Variants in ADGRL3 observed in about 807,000 individuals in gnomAD.
ADGRL3 encodes calcium-independent alpha-latrotoxin receptor 3.
A neutral mutation model predicts 153.5 loss-of-function variants in ADGRL3; 62 were observed. The observed-to-expected ratio is 0.40, with a 90% confidence interval of 0.33 to 0.50. The LOEUF (loss-of-function observed/expected upper bound fraction) is 0.50, where lower values mean the gene tolerates loss of function less well. Among genes scored for constraint, ADGRL3 ranks in the 20% least tolerant of loss-of-function variants. The pLI is 0.47. For missense variants in ADGRL3, 1,641 were observed against 1,859.4 expected, an observed-to-expected ratio of 0.88 and a Z score of 2.16; for synonymous variants, 710 against 672.5, an observed-to-expected ratio of 1.06 and a Z score of -0.86.
intron 9 of ADGRL3, among the ~76,000 whole-genome samples, chr4:61,874,544 T>C (rs1034585987): frequency 1.3e-5 from 2 of 151,816 alleles, no homozygotes; most frequent in African/African-American, 2.4e-5. Context: ...GGGGCCACTC[T>C]AGAGCCTGTC....
intron 5 of ADGRL3, among the ~76,000 whole-genome samples, chr4:61,654,943 A>T (rs1404172451): frequency 6.6e-6 from 1 of 152,170 alleles, no homozygotes; most frequent in Non-Finnish European, 1.5e-5. Context: ...TCTTTAACTC[A>T]TGTACGTAAG....
At chr4:61,442,020 AT>A (rs2097533539) in intron 2 of ADGRL3, among the ~76,000 whole-genome samples, 1 of 152,192 alleles carries the variant, frequency 6.6e-6, no homozygotes, top group Admixed American at 6.5e-5. Context: ...AAATTTAATT[AT>A]TTTGATTTCA....
chr4:61,715,203 A>T (rs1009963399), intron 6 of ADGRL3, among the ~76,000 whole-genome samples: 1 of 152,172 alleles, frequency 6.6e-6, no homozygotes. Context: ...CTTCTTTCTT[A>T]CATTCGACTG....
rs1178878073 is a variant in ADGRL3 at position 62,071,862 on chromosome 4, AC to A, written c.*955del. ...CAAACAAATTATTTTTTACAAAAAA[AC>A]AAAATAAATAAAATTAGACTTCCTT... On this transcript the variant is annotated 3_prime_UTR_variant, in exon 27 of 27. Transcript: ENST00000683033. 3 of 332,322 alleles carry A rather than the reference AC, an allele frequency of 9.0e-6. No homozygotes were observed. Among genetic ancestry groups the A allele is most frequent in the South Asian group, 2.5e-5 (1 of 39,432 alleles). 20.6% of individuals were successfully genotyped at this position (332,322 alleles called of 1,614,324 possible).
intron 4 of ADGRL3, among the ~76,000 whole-genome samples, chr4:61,569,361 C>T (rs1244340365): frequency 1.3e-5 from 2 of 152,172 alleles, no homozygotes; most frequent in Non-Finnish European, 2.9e-5. Flanking sequence ...ACCATCTTCA[C>T]AATCTAGAAT....
intron 1 of ADGRL3, among the ~76,000 whole-genome samples, chr4:61,220,853 T>C (rs187612899): frequency 4.6e-5 from 7 of 152,344 alleles, no homozygotes; most frequent in African/African-American, 1.7e-4. Context: ...CAGCGTCAGA[T>C]AAGCATGCCA....
chr4:61,946,225 T>G (rs2098923122), intron 15 of ADGRL3, among the ~76,000 whole-genome samples: 2 of 152,158 alleles, frequency 1.3e-5, no homozygotes, highest in Non-Finnish European at 2.9e-5. Context: ...CTTATCAACA[T>G]TAGTGTGGTC....
intron 24 of ADGRL3, among the ~76,000 whole-genome samples, chr4:62,044,060 T>G (rs1337592762): frequency 6.6e-6 from 1 of 152,072 alleles, no homozygotes; most frequent in Non-Finnish European, 1.5e-5. Flanking sequence ...ATTTAATGCA[T>G]AGTTAAACAT....
chr4:61,214,601 G>A (rs996750499), intron 1 of ADGRL3, among the ~76,000 whole-genome samples: 2 of 152,220 alleles, frequency 1.3e-5, no homozygotes, highest in Middle Eastern at 3.4e-3. Flanking sequence ...CACAAGTTTT[G>A]CTAGGTGTAA....
intron 21 of ADGRL3, among the ~76,000 whole-genome samples, chr4:62,020,437 A>G (rs2099232721): frequency 6.6e-6 from 1 of 152,006 alleles, no homozygotes; most frequent in African/African-American, 2.4e-5. Context: ...AAAATACTGG[A>G]CCTCCAAAAG....
At chr4:61,787,137 C>T (rs2097286036) in intron 8 of ADGRL3, among the ~76,000 whole-genome samples, 1 of 152,066 alleles carries the variant, frequency 6.6e-6, no homozygotes, top group Non-Finnish European at 1.5e-5. Context: ...CTCTTATATT[C>T]TATAAATGAT....
intron 8 of ADGRL3, among the ~76,000 whole-genome samples, chr4:61,755,622 A>C (rs1305297651): frequency 6.6e-6 from 1 of 152,082 alleles, no homozygotes; most frequent in Non-Finnish European, 1.5e-5. Flanking sequence ...TCTTTAGTTT[A>C]ATTAGATCCC....
intron 2 of ADGRL3, among the ~76,000 whole-genome samples, chr4:61,477,692 G>T (rs1246338864): frequency 6.6e-6 from 1 of 152,064 alleles, no homozygotes; most frequent in Non-Finnish European, 1.5e-5. Context: ...TTAAGAGGCT[G>T]TCCATAATTG....
At chr4:61,990,909 G>T (rs1303147538) in intron 19 of ADGRL3, among the ~76,000 whole-genome samples, 1 of 151,152 alleles carries the variant, frequency 6.6e-6, no homozygotes, top group Middle Eastern at 3.2e-3. Context: ...TGTAAAGTGG[G>T]AGTTATTATA....
intron 6 of ADGRL3, among the ~76,000 whole-genome samples, chr4:61,709,887 G>A (rs958193597): frequency 2.6e-5 from 4 of 152,096 alleles, no homozygotes; most frequent in Non-Finnish European, 5.9e-5. Flanking sequence ...AATTTAAGTA[G>A]AAAAAATGCA....
intron 6 of ADGRL3, among the ~76,000 whole-genome samples, chr4:61,725,756 G>T (rs2096323400): frequency 1.3e-5 from 1 of 78,304 alleles, no homozygotes; most frequent in South Asian, 4.1e-4. Flanking sequence ...CTTTTTCATG[G>T]ATTTGATGAA....
intron 9 of ADGRL3, among the ~76,000 whole-genome samples, chr4:61,888,270 T>C (rs981609050): frequency 6.6e-6 from 1 of 152,242 alleles, no homozygotes; most frequent in Non-Finnish European, 1.5e-5. Context: ...CAATGACTTT[T>C]CTCTGATATA....
intron 21 of ADGRL3, among the ~76,000 whole-genome samples, chr4:62,028,379 A>G (rs1253975532): frequency 6.6e-6 from 1 of 151,836 alleles, no homozygotes; most frequent in Non-Finnish European, 1.5e-5. Flanking sequence ...GATTTAACTC[A>G]GGTCAATCAT....
intron 1 of ADGRL3, among the ~76,000 whole-genome samples, chr4:61,237,783 ATTAAAT>A (rs1386073909): frequency 1.3e-5 from 2 of 152,204 alleles, no homozygotes; most frequent in Non-Finnish European, 2.9e-5. Context: ...TCTCTAGTAC[ATTAAAT>A]TTAAAACAAG....
Sources: gnomAD v4.1 joint callset for allele counts (sites outside exome capture counted in the v4.1 genomes callset) on GRCh38, gnomAD v4.1.1 for gene constraint, MANE v1.5 for transcripts, NCBI Gene and HGNC (gene_info 2026-07-23, HGNC 2026-07-21) for gene names.